Variants in SP140 observed in about 807,000 individuals in gnomAD.
SP140 encodes the protein nuclear body protein SP140.
Under a neutral mutation model 125.0 loss-of-function variants are expected in SP140, and 81 were observed. The observed-to-expected ratio is 0.65, with a 90% confidence interval of 0.54 to 0.78. SP140 has a LOEUF of 0.78. SP140 is among the 30% of genes least tolerant of loss of function. The pLI, the probability that SP140 is intolerant of heterozygous loss-of-function variation, is 0.00. For synonymous variants in SP140, 312 were observed against 354.0 expected (o/e 0.88, Z 1.33); for missense variants, 858 against 1,037.0 (o/e 0.83, Z 2.37).
Position 230,237,089 on chromosome 2 carries a change from C to A in SP140, c.66C>A (p.Val22=). The stretch of plus-strand genomic sequence containing the variant: ...TTGTATCTTTGTTTCTTAGGATGGT[C>A]GCAGAGATCCAGAACGTAGAGGGTC... ...SGDSNLNFRM[V]AEIQNVEGQN... Residue 22 remains valine (V), a synonymous_variant, in exon 2 of 27, where the codon GTC becomes GTA. Transcript: ENST00000392045. The surrounding 1 kb of genome is among the most constrained non-coding windows in gnomAD (Gnocchi z 5.4). 1.3e-6 allele frequency: 2 copies of A among 1,577,326 alleles called. No individual in the cohort carries two copies. The highest frequency in any genetic ancestry group is 1.2e-5 in the South Asian group (1 of 86,218).
chr2:230,201,233 T>TG (rs533698073), upstream of SP140, among the ~76,000 whole-genome samples: 25 of 152,372 alleles, frequency 1.6e-4, 1 homozygote, highest in South Asian at 5.2e-3. Flanking sequence ...CTGAACCCCT[T>TG]GGCCAGAGTC....
chr2:230,219,197 C>T (rs967780721), intron 3 of SP140, among the ~76,000 whole-genome samples: 4 of 152,204 alleles, frequency 2.6e-5, no homozygotes, highest in Non-Finnish European at 5.9e-5. Flanking sequence ...TGCACTCCAG[C>T]CTGGGTGACA....
chr2:230,221,964 C>T (rs2045856054), upstream of SP140, among the ~76,000 whole-genome samples: 1 of 152,178 alleles, frequency 6.6e-6, no homozygotes, highest in Non-Finnish European at 1.5e-5. Context: ...GTGGCTCAGG[C>T]CTGTAGCTTA....
chr2:230,315,283 T>G (rs1001021234), downstream of SP140, among the ~76,000 whole-genome samples: 1 of 152,234 alleles, frequency 6.6e-6, no homozygotes, highest in Non-Finnish European at 1.5e-5. Context: ...TGCACATCAC[T>G]GATTCCCTCA....
upstream of SP140, chr2:230,200,699 T>C (rs1398630806): frequency 1.6e-6 from 1 of 627,052 alleles, no homozygotes; most frequent in Non-Finnish European, 2.8e-6. Context: ...TTACATAAAA[T>C]GGACATATAT....
chr2:230,212,664 T>G, intron 1 of SP140: 1 of 1,486,994 alleles, frequency 6.7e-7, no homozygotes, highest in Non-Finnish European at 9.4e-7. Flanking sequence ...AGAGAAGAAC[T>G]AGGACAATAA....
chr2:230,256,672 A>T (rs1363730801), intron 12 of SP140, among the ~76,000 whole-genome samples: 1 of 152,074 alleles, frequency 6.6e-6, no homozygotes, highest in Non-Finnish European at 1.5e-5. Flanking sequence ...AAAGTATAAT[A>T]AAAAAAATTT....
rs369203417 is a variant in SP140, at chr2:230,245,060, G to C, written c.644G>C (p.Ser215Thr). The change falls in exon 6 of 27, where the codon AGC (serine) becomes ACC (threonine). Residue 215 changes from serine (S) to threonine (T), a missense_variant. Ser to Thr is a moderately conservative substitution (Grantham distance 58, BLOSUM62 1). Coordinates refer to ENST00000392045, the MANE Select transcript of SP140 (RefSeq NM_007237.5). Reference sequence around the variant, plus strand: ...GGAGGAGATGCTGAAGATGCACCCAGCCTACTACCAGGTGGGGGAGGTAAT... The same window carrying C: ...GGAGGAGATGCTGAAGATGCACCCACCCTACTACCAGGTGGGGGAGGTAAT... ...AGGGDAEDAP[S>T]LLPGGGVSCK... The C allele has an allele frequency of 6.2e-7, 1 of 1,611,584 alleles. No individual in the cohort carries two copies. Among genetic ancestry groups the C allele is most frequent in the Non-Finnish European group, 8.5e-7 (1 of 1,178,002 alleles).
the SP140 span, among the ~76,000 whole-genome samples, chr2:230,196,474 T>C: frequency 2.0e-5 from 3 of 152,078 alleles, no homozygotes; most frequent in African/African-American, 7.2e-5. Flanking sequence ...TGCATACTTA[T>C]ACAAAAATAA....
chr2:230,242,387 GT>G (rs2048847354), intron 4 of SP140, among the ~76,000 whole-genome samples: 1 of 152,184 alleles, frequency 6.6e-6, no homozygotes, highest in South Asian at 2.1e-4. Context: ...TTAACCGTAA[GT>G]TTTCAGAATG....
At chr2:230,215,814 A>C (rs2045097242) in intron 3 of SP140, among the ~76,000 whole-genome samples, 1 of 152,210 alleles carries the variant, frequency 6.6e-6, no homozygotes, top group Non-Finnish European at 1.5e-5. Context: ...AAACACAAAT[A>C]AATACCCATT....
intron 4 of SP140, among the ~76,000 whole-genome samples, chr2:230,242,270 A>AC (rs2048831866): frequency 6.6e-6 from 1 of 151,794 alleles, no homozygotes; most frequent in East Asian, 1.9e-4. Flanking sequence ...AGGGTGTAAA[A>AC]CACTTGAGAG....
downstream of SP140, among the ~76,000 whole-genome samples, chr2:230,314,120 T>C (rs1330862983): frequency 6.6e-6 from 1 of 152,156 alleles, no homozygotes; most frequent in Non-Finnish European, 1.5e-5. Flanking sequence ...CTTATGCCAA[T>C]GTCAAGGCCA....
At chr2:230,305,396 A>T (rs1367208303) in intron 22 of SP140, among the ~76,000 whole-genome samples, 1 of 152,266 alleles carries the variant, frequency 6.6e-6, no homozygotes, top group Non-Finnish European at 1.5e-5. Context: ...CAGCAATCCC[A>T]CTACTGACGG....
intron 1 of SP140, chr2:230,212,376 A>G (rs2044589730): frequency 6.2e-7 from 1 of 1,613,424 alleles, no homozygotes; most frequent in Admixed American, 1.7e-5. Flanking sequence ...GAGGCTGGGC[A>G]TCTCTTCTGA....
At chr2:230,204,254 C>G (rs576808774) in intron 1 of SP140, among the ~76,000 whole-genome samples, 34 of 152,312 alleles carry the variant, frequency 2.2e-4, no homozygotes, top group African/African-American at 7.5e-4. Context: ...GGTTTCCCCT[C>G]TCTAACAAAG....
chr2:230,229,719 GGCTTTCTGGC>G (rs1456184316), intron 1 of SP140, among the ~76,000 whole-genome samples: 2 of 151,738 alleles, frequency 1.3e-5, no homozygotes, highest in Non-Finnish European at 2.9e-5. Context: ...ACATGGAGTA[GGCTTTCTGGC>G]AAAGAATTTC....
chr2:230,202,432 T>G, upstream of SP140: 1 of 726,922 alleles, frequency 1.4e-6, no homozygotes. Context: ...CTTGCTCTCT[T>G]TGTTCCTCTT....
chr2:230,259,771 C>CACAT (rs759447042), intron 12 of SP140, among the ~76,000 whole-genome samples: 1 of 85,898 alleles, frequency 1.2e-5, no homozygotes, highest in East Asian at 2.4e-4. Context: ...AGTATTCCAT[C>CACAT]ATATATATAT....
Sources: allele counts gnomAD v4.1 joint callset (sites outside exome capture counted in the v4.1 genomes callset), GRCh38; gene constraint gnomAD v4.1.1; non-coding constraint Gnocchi (gnomAD v3.1); transcripts MANE v1.5; gene names NCBI Gene and HGNC (gene_info 2026-07-23, HGNC 2026-07-21).